SEMG1: variants seen among roughly 807,000 people sequenced by gnomAD.
SEMG1 encodes the protein semenogelin 1, also known as semenogelin-1.
A neutral mutation model predicts 8.8 loss-of-function variants in SEMG1; 6 were observed. The ratio of observed to expected loss-of-function variants is 0.68; its 90% CI spans 0.37 to 1.35. The LOEUF is 1.35. Among genes scored for constraint, SEMG1 ranks in the 40% most tolerant of loss-of-function variants. SEMG1 has a pLI of 0.02. For missense variants in SEMG1, 580 were observed against 533.6 expected (o/e 1.09, Z -0.86); for synonymous variants, 221 against 190.3 (o/e 1.16, Z -1.33).
chr20:45,207,956 A>G lies in SEMG1; in HGVS notation c.659A>G (p.Tyr220Cys). 1.2e-6 allele frequency: 2 copies of G among 1,614,076 alleles called. No individual in the cohort carries two copies. The highest frequency in any genetic ancestry group is 2.2e-5 in the South Asian group (2 of 91,070). ...TKNSHQNKGH[Y>C]QNVVEVREEH... The stretch of plus-strand genomic sequence containing the variant: ...AATTCTCATCAAAATAAAGGGCATT[A>G]CCAAAATGTGGTTGAAGTGAGAGAG... Residue 220 changes from tyrosine to cysteine, a missense_variant, in exon 2 of 3, where the codon TAC becomes TGC. Coordinates refer to ENST00000372781, the MANE Select transcript of SEMG1 (RefSeq NM_003007.5).
chr20:45,207,799 G>C lies in SEMG1; in HGVS notation c.502G>C (p.Val168Leu). ...QYSNTEERLWVHGLSKEQTSV... is the reference protein window; with the variant it reads ...QYSNTEERLWLHGLSKEQTSV... ...TTCAAACACAGAAGAAAGGCTGTGGGTTCATGGACTAAGTAAAGAACAAAC... is the reference window on the plus strand; with the variant it reads ...TTCAAACACAGAAGAAAGGCTGTGGCTTCATGGACTAAGTAAAGAACAAAC... Residue 168 changes from valine (V) to leucine (L), a missense_variant, in exon 2 of 3, where the codon GTT (valine) becomes CTT (leucine). By Grantham distance (32) the Val-to-Leu change is conservative (BLOSUM62 1). Transcript: ENST00000372781. 6.2e-7 allele frequency: 1 copy of C among 1,614,064 alleles called. No individual in the cohort carries two copies. The highest frequency in any genetic ancestry group is 1.1e-5 in the South Asian group (1 of 91,084).
At chr20:45,209,015 A>G (rs568513758) in intron 2 of SEMG1, among the ~76,000 whole-genome samples, 1 of 152,238 alleles carries the variant, frequency 6.6e-6, no homozygotes, top group Admixed American at 6.5e-5. Context: ...GTTTTTTTGA[A>G]CAGGTACTGA....
Position 45,207,938 on chromosome 20 carries a change from A to T in SEMG1, c.641A>T (p.His214Leu). 1 of 1,614,070 alleles carries T rather than the reference A, an allele frequency of 6.2e-7. No individual in the cohort carries two copies. The highest frequency in any genetic ancestry group is 8.5e-7 in the Non-Finnish European group (1 of 1,179,948). The change falls in exon 2 of 3, where the codon CAT becomes CTT. Residue 214 changes from histidine (H) to leucine (L), a missense_variant. Transcript: ENST00000372781. Reference sequence around the variant, plus strand: ...CAACAACGTGAGACTAAAAATTCTCATCAAAATAAAGGGCATTACCAAAAT... The same window carrying T: ...CAACAACGTGAGACTAAAAATTCTCTTCAAAATAAAGGGCATTACCAAAAT... ...NKQQRETKNS[H>L]QNKGHYQNVV...
chr20:45,207,086 G>A lies in SEMG1; in HGVS notation c.33G>A (p.Leu11=). Residue 11 remains leucine, a synonymous_variant, in exon 1 of 3, where the codon CTG becomes CTA. Coordinates refer to ENST00000372781, the MANE Select transcript of SEMG1 (RefSeq NM_003007.5). MKPNIIFVLS[L]LLILEKQAAV... is the part of the protein sequence containing the mutation. ...CCAACATCATCTTTGTACTTTCCCT[G>A]CTCCTCATCTTGGAGAAGCAAGCAG... 3 of 1,613,832 alleles carry A rather than the reference G, an allele frequency of 1.9e-6. No homozygotes were observed. Among genetic ancestry groups the A allele is most frequent in the Non-Finnish European group, 2.5e-6 (3 of 1,179,810 alleles).
chr20:45,207,507 T>A lies in SEMG1; in HGVS notation c.210T>A (p.His70Gln), dbSNP rs752020197. 6.2e-7 allele frequency: 1 copy of A among 1,613,906 alleles called. No individual in the cohort carries two copies. The highest frequency in any genetic ancestry group is 1.1e-5 in the South Asian group (1 of 91,066). Reference protein sequence around the residue: ...KGSFSIQYTYHVDANDHDQSR... With the variant: ...KGSFSIQYTYQVDANDHDQSR... Reference sequence around the variant, plus strand: ...GTTTTTCTATTCAATACACATATCATGTAGATGCCAATGATCATGACCAGT... The same window carrying A: ...GTTTTTCTATTCAATACACATATCAAGTAGATGCCAATGATCATGACCAGT... The change falls in exon 2 of 3, where the codon CAT (histidine) becomes CAA (glutamine). Residue 70 changes from histidine (H) to glutamine (Q), a missense_variant. His to Gln is a conservative substitution (Grantham distance 24). Coordinates refer to ENST00000372781, the MANE Select transcript of SEMG1 (RefSeq NM_003007.5).
chr20:45,209,413 A>T (rs1445114819), intron 2 of SEMG1, among the ~76,000 whole-genome samples, 188 bp from the exon 3 acceptor site: 2 of 152,184 alleles, frequency 1.3e-5, no homozygotes, highest in African/African-American at 4.8e-5. Context: ...TCTTTGCAGT[A>T]AGTAACACTG....
intron 2 of SEMG1, among the ~76,000 whole-genome samples, 160 bp downstream of exon 2, chr20:45,208,890 A>G (rs768077408): frequency 3.3e-5 from 5 of 152,154 alleles, no homozygotes; most frequent in Non-Finnish European, 5.9e-5. Flanking sequence ...CCTGGTGAGG[A>G]GAGGGTCTGG....
intron 2 of SEMG1, 124 bp downstream of exon 2, chr20:45,208,854 T>C (rs141346933): frequency 5.7e-6 from 3 of 530,472 alleles, no homozygotes; most frequent in Non-Finnish European, 1.0e-5. Flanking sequence ...GTATAACAAG[T>C]GGTAGGAAGA....
chr20:45,207,898 C>T lies in SEMG1; in HGVS notation c.601C>T (p.Leu201=), dbSNP rs370041977. 53 of 1,613,892 alleles carry T rather than the reference C, an allele frequency of 3.3e-5. 1 individual carries two copies. In the East Asian group the frequency reaches 1.0e-3, roughly 31 times the overall value. The change falls in exon 2 of 3, where the codon CTA becomes TTA. Residue 201 remains leucine, a synonymous_variant. Transcript: ENST00000372781. ...QSSYVLQTEE[L]VANKQQRETK... is the part of the protein sequence containing the mutation. ...CAGTTATGTTCTCCAAACTGAAGAG[C>T]TAGTAGCTAACAAACAACAACGTGA...
intron 1 of SEMG1, 85 bp downstream of exon 1, chr20:45,207,214 T>C: frequency 2.6e-6 from 4 of 1,558,470 alleles, no homozygotes. Flanking sequence ...GTAACCTGTT[T>C]AGGCACAGAT....
At position 45,208,497 on chromosome 20, in the gene SEMG1, T is replaced by C; in HGVS notation, c.1200T>C (p.Gly400=). ...ATCCTAAGCAAGAGCCATGGCATGG[T>C]GAAAATGCAAAAGGAGAGTCTGGCC... is the stretch of plus-strand genomic sequence containing the variant. ...APNPKQEPWH[G]ENAKGESGQS... The change falls in exon 2 of 3, where the codon GGT becomes GGC. Residue 400 remains glycine, a synonymous_variant. Coordinates refer to ENST00000372781, the MANE Select transcript of SEMG1 (RefSeq NM_003007.5). 2 of 1,613,822 alleles carry C rather than the reference T, an allele frequency of 1.2e-6. No individual in the cohort carries two copies. The highest frequency in any genetic ancestry group is 2.2e-5 in the South Asian group (2 of 91,032).
Position 45,208,244 on chromosome 20 carries a change from G to A in SEMG1, c.947G>A (p.Ser316Asn). The A allele has an allele frequency of 6.2e-7, 1 of 1,611,810 alleles. No homozygotes were observed. Among genetic ancestry groups the A allele is most frequent in the Non-Finnish European group, 8.5e-7 (1 of 1,179,010 alleles). ...GATGTATCCCAAAGCAGTATTTATA[G>A]CCAAACTGAAGAGAAAGCACAGGGC... ...QKDVSQSSIY[S>N]QTEEKAQGKS... The change falls in exon 2 of 3, where the codon AGC becomes AAC. Residue 316 changes from serine (S) to asparagine (N), a missense_variant. Coordinates refer to ENST00000372781, the MANE Select transcript of SEMG1 (RefSeq NM_003007.5).
chr20:45,208,172 G>A lies in SEMG1; in HGVS notation c.875G>A (p.Ser292Asn). The change falls in exon 2 of 3, where the codon AGT (serine) becomes AAT (asparagine). Residue 292 changes from serine (S) to asparagine (N), a missense_variant. Ser to Asn is a conservative substitution (Grantham distance 46). Transcript: ENST00000372781. ...AATAAAATATCATACCAATCTTCAA[G>A]TACAGAAGAAAGACGACTCCACTAT... is the stretch of plus-strand genomic sequence containing the variant. ...KANKISYQSS[S>N]TEERRLHYGE... is the part of the protein sequence containing the mutation. The A allele has an allele frequency of 6.2e-7, 1 of 1,613,990 alleles. No individual in the cohort carries two copies. The highest frequency in any genetic ancestry group is 1.3e-5 in the African/African-American group (1 of 75,024).
Position 45,207,337 on chromosome 20 carries a change from G to A in SEMG1, c.77-37G>A, listed in dbSNP as rs781563889. The A allele has an allele frequency of 3.3e-5, 51 of 1,523,396 alleles. No homozygotes were observed. In the Admixed American group the frequency reaches 7.3e-4, roughly 22 times the overall value. The allele number at this position is 1,523,396 out of a possible 1,614,324, so 94.4% of individuals were successfully genotyped here. On this transcript the variant is annotated intron_variant, in intron 1 of 2. Coordinates refer to ENST00000372781, the MANE Select transcript of SEMG1 (RefSeq NM_003007.5). Reference sequence around the variant, plus strand: ...GTAAGAGTTGTAAGGGAGCTTTGGAGATAATGAATGCATACCTTCTTATTA... The same window carrying A: ...GTAAGAGTTGTAAGGGAGCTTTGGAAATAATGAATGCATACCTTCTTATTA...
At chr20:45,208,826 C>T (rs532593978) in intron 2 of SEMG1, 96 bp downstream of exon 2, 20 of 628,722 alleles carry the variant, frequency 3.2e-5, no homozygotes, top group East Asian at 8.4e-5. Context: ...AACCATTGTT[C>T]GCACCAATAG....
chr20:45,208,198 G>A lies in SEMG1; in HGVS notation c.901G>A (p.Gly301Arg), dbSNP rs1252415448. 1 of 1,613,474 alleles carries A rather than the reference G, an allele frequency of 6.2e-7. No individual in the cohort carries two copies. Among genetic ancestry groups the A allele is most frequent in the South Asian group, 1.1e-5 (1 of 90,966 alleles). Residue 301 changes from glycine (G) to arginine (R), a missense_variant, in exon 2 of 3, where the codon GGA becomes AGA. Coordinates refer to ENST00000372781, the MANE Select transcript of SEMG1 (RefSeq NM_003007.5). Reference sequence around the variant, plus strand: ...TACAGAAGAAAGACGACTCCACTATGGAGAAAATGGTGTGCAGAAAGATGT... The same window carrying A: ...TACAGAAGAAAGACGACTCCACTATAGAGAAAATGGTGTGCAGAAAGATGT... ...SSTEERRLHY[G>R]ENGVQKDVSQ...
chr20:45,207,060 C>T lies in SEMG1; in HGVS notation c.7C>T (p.Pro3Ser). 2 of 1,613,628 alleles carry T rather than the reference C, an allele frequency of 1.2e-6. No homozygotes were observed. Among genetic ancestry groups the T allele is most frequent in the South Asian group, 1.1e-5 (1 of 91,056 alleles). ...ACAAGGTTTTCCAAGCAAGATGAAG[C>T]CCAACATCATCTTTGTACTTTCCCT... is the stretch of plus-strand genomic sequence containing the variant. MK[P>S]NIIFVLSLLL... The change falls in exon 1 of 3, where the codon CCC (proline) becomes TCC (serine). Residue 3 changes from proline (P) to serine (S), a missense_variant. Pro to Ser is a moderately conservative substitution (Grantham distance 74). Transcript: ENST00000372781.
At chr20:45,209,410 A>G (rs1983794433) in intron 2 of SEMG1, among the ~76,000 whole-genome samples, 191 bp from the exon 3 acceptor site, 1 of 152,192 alleles carries the variant, frequency 6.6e-6, no homozygotes, top group Non-Finnish European at 1.5e-5. Context: ...GCCTCTTTGC[A>G]GTAAGTAACA....
In SEMG1 at chr20:45,208,553, G is replaced by C. The variant is rs777114122; in HGVS notation, c.1256G>C (p.Ser419Thr). 1.2e-6 allele frequency: 2 copies of C among 1,614,048 alleles called. No individual in the cohort carries two copies. The highest frequency in any genetic ancestry group is 2.2e-5 in the South Asian group (2 of 91,084). ...QSTNREQDLL[S>T]HEQKGRHQHG... is the part of the protein sequence containing the mutation. Reference sequence around the variant, plus strand: ...ACAAATAGAGAACAAGACCTACTCAGTCATGAACAAAAAGGCAGACACCAA... The same window carrying C: ...ACAAATAGAGAACAAGACCTACTCACTCATGAACAAAAAGGCAGACACCAA... Residue 419 changes from serine to threonine, a missense_variant, in exon 2 of 3, where the codon AGT becomes ACT. Transcript: ENST00000372781.
Sources: gnomAD v4.1 joint callset for allele counts (sites outside exome capture counted in the v4.1 genomes callset) on GRCh38, gnomAD v4.1.1 for gene constraint, MANE v1.5 for transcripts, NCBI Gene and HGNC (gene_info 2026-07-23, HGNC 2026-07-21) for gene names.